The following PTGER3 variants were observed in gnomAD, a reference collection of about 807,000 sequenced individuals.
PTGER3 encodes the protein prostaglandin E2 receptor EP3 subtype.
Under a neutral mutation model 34.7 loss-of-function variants are expected in PTGER3, and 22 were observed. That is an observed-to-expected ratio of 0.63 (90% CI 0.45 to 0.91). PTGER3 has a LOEUF of 0.91. PTGER3 is among the 40% of genes least tolerant of loss of function. PTGER3 has a pLI of 0.00. For synonymous variants in PTGER3, 241 were observed against 230.1 expected, an observed-to-expected ratio of 1.05 and a Z score of -0.43; for missense variants, 468 against 519.4, an observed-to-expected ratio of 0.90 and a Z score of 0.96.
At chr1:70,880,630 C>A (rs772839347) in intron 4 of PTGER3, among the ~76,000 whole-genome samples, 1 of 147,764 alleles carries the variant, frequency 6.8e-6, no homozygotes, top group Non-Finnish European at 1.5e-5. Context: ...GCGGAGGTTG[C>A]AGTGAGCTGA....
chr1:71,041,587 T>C (rs1660317091), intron 1 of PTGER3, among the ~76,000 whole-genome samples: 1 of 152,196 alleles, frequency 6.6e-6, no homozygotes, highest in South Asian at 2.1e-4. Flanking sequence ...GGTTACCATC[T>C]TTATGAAAGT....
In PTGER3 at chr1:71,012,429, T is replaced by A; in HGVS notation, c.953A>T (p.His318Leu). 1 of 1,614,166 alleles carries A rather than the reference T, an allele frequency of 6.2e-7. No homozygotes were observed. Among genetic ancestry groups the A allele is most frequent in the Non-Finnish European group, 8.5e-7 (1 of 1,180,030 alleles). The change falls in exon 2 of 4, where the codon CAC becomes CTC. Residue 318 changes from histidine to leucine, a missense_variant. This residue lies in a region of PTGER3 where 204 missense variants were observed against 230.8 expected (regional missense o/e 0.88). Transcript: ENST00000306666. ...GTTGCATTCTTTCTGCTTCTCCGTG[T>A]GTGTCTTGCAGTGCTCAACTGATGT... ...NQTSVEHCKT[H>L]TEKQKECNFF... is the part of the protein sequence containing the mutation.
chr1:70,948,123 A>G (rs1257171081), downstream of PTGER3, among the ~76,000 whole-genome samples: 3 of 152,096 alleles, frequency 2.0e-5, no homozygotes, highest in Non-Finnish European at 4.4e-5. Flanking sequence ...ATATAAAACC[A>G]ATGCTCTGCA....
intron 4 of PTGER3, among the ~76,000 whole-genome samples, chr1:70,926,396 G>T (rs28502040): frequency 6.6e-6 from 1 of 151,992 alleles, no homozygotes; most frequent in Non-Finnish European, 1.5e-5. Context: ...GGTCCTTCAC[G>T]TCCCTTGTAA....
At chr1:70,864,711 T>C (rs1444709155) in intron 4 of PTGER3, among the ~76,000 whole-genome samples, 2 of 152,220 alleles carry the variant, frequency 1.3e-5, no homozygotes, top group Non-Finnish European at 2.9e-5. Flanking sequence ...AGCCCAGTAC[T>C]TTTTTGTTTA....
At chr1:70,938,115 G>A (rs1159193336) in intron 4 of PTGER3, among the ~76,000 whole-genome samples, 1 of 152,108 alleles carries the variant, frequency 6.6e-6, no homozygotes, top group African/African-American at 2.4e-5. Flanking sequence ...TGGGGGGTGG[G>A]AGGTGTCAAT....
intron 2 of PTGER3, among the ~76,000 whole-genome samples, chr1:70,986,308 C>T (rs1429163797): frequency 6.6e-6 from 1 of 152,172 alleles, no homozygotes; most frequent in Non-Finnish European, 1.5e-5. Flanking sequence ...TCTTAATAAA[C>T]TTGCTTTCAC....
At chr1:71,004,022 T>C (rs1195266654) in intron 2 of PTGER3, among the ~76,000 whole-genome samples, 1 of 152,236 alleles carries the variant, frequency 6.6e-6, no homozygotes, top group Non-Finnish European at 1.5e-5. Flanking sequence ...GAACCAATGT[T>C]CTTTCTAATT....
chr1:70,879,387 C>T (rs1276166084), intron 4 of PTGER3, among the ~76,000 whole-genome samples: 1 of 152,112 alleles, frequency 6.6e-6, no homozygotes. Flanking sequence ...GCTGGGATTA[C>T]AAGTGTGAGC....
chr1:70,989,032 T>C (rs1655187282), intron 2 of PTGER3, among the ~76,000 whole-genome samples: 1 of 151,436 alleles, frequency 6.6e-6, no homozygotes, highest in African/African-American at 2.4e-5. Context: ...TGCATGTAAT[T>C]CCCCCCCCAA....
chr1:70,960,524 A>G (rs1252368460), intron 2 of PTGER3, among the ~76,000 whole-genome samples: 1 of 152,194 alleles, frequency 6.6e-6, no homozygotes, highest in Non-Finnish European at 1.5e-5. Context: ...AAAAAATATT[A>G]TAGCAGATCT....
At chr1:70,859,710 A>G (rs1339342716) in intron 4 of PTGER3, among the ~76,000 whole-genome samples, 1 of 152,258 alleles carries the variant, frequency 6.6e-6, no homozygotes, top group East Asian at 1.9e-4. Flanking sequence ...GGAACTCGTA[A>G]GAAATGCAGA....
At chr1:71,005,441 G>A (rs1255323927) in intron 2 of PTGER3, among the ~76,000 whole-genome samples, 2 of 152,148 alleles carry the variant, frequency 1.3e-5, no homozygotes, top group African/African-American at 2.4e-5. Flanking sequence ...ACCTTCTACA[G>A]GAATACCTCC....
chr1:70,958,167 G>C (rs1314121308), intron 2 of PTGER3, among the ~76,000 whole-genome samples: 1 of 152,134 alleles, frequency 6.6e-6, no homozygotes, highest in Non-Finnish European at 1.5e-5. Flanking sequence ...ACATGGGTGT[G>C]CAGATGTATC....
At chr1:71,016,835 T>C (rs1657950976) in intron 1 of PTGER3, among the ~76,000 whole-genome samples, 1 of 151,896 alleles carries the variant, frequency 6.6e-6, no homozygotes, top group Non-Finnish European at 1.5e-5. Flanking sequence ...TATAAAAACA[T>C]TTCAAATGAT....
intron 2 of PTGER3, chr1:71,012,102 A>G: frequency 6.7e-7 from 1 of 1,501,730 alleles, no homozygotes; most frequent in Admixed American, 2.3e-5. Flanking sequence ...CTTTATACCA[A>G]AAATTCCACT....
At chr1:71,039,478 G>A (rs1359204341) in intron 1 of PTGER3, among the ~76,000 whole-genome samples, 1 of 151,636 alleles carries the variant, frequency 6.6e-6, no homozygotes, top group African/African-American at 2.4e-5. Context: ...GTGAAACCCT[G>A]TCTCTACTAA....
chr1:70,905,290 C>A (rs941618092), intron 4 of PTGER3, among the ~76,000 whole-genome samples: 36 of 152,192 alleles, frequency 2.4e-4, no homozygotes, highest in Non-Finnish European at 3.5e-4. Context: ...GGTCAGAGCA[C>A]CCACACAGTG....
At chr1:70,928,460 C>G (rs1198661817) in intron 4 of PTGER3, among the ~76,000 whole-genome samples, 1 of 151,626 alleles carries the variant, frequency 6.6e-6, no homozygotes, top group Non-Finnish European at 1.5e-5. Flanking sequence ...TAGTGAGACC[C>G]CCATCTATAC....
Sources: allele counts gnomAD v4.1 joint callset (sites outside exome capture counted in the v4.1 genomes callset), GRCh38; gene constraint gnomAD v4.1.1; regional missense constraint gnomAD v4.1.1; transcripts MANE v1.5; gene names NCBI Gene and HGNC (gene_info 2026-07-23, HGNC 2026-07-21).